Variants in RAI14 observed in about 807,000 individuals in gnomAD.
RAI14 encodes ankycorbin.
Under a neutral mutation model 115.4 loss-of-function variants are expected in RAI14, and 45 were observed. The observed-to-expected ratio is 0.39, with a 90% CI of 0.31 to 0.50. The LOEUF is 0.50. Among genes scored for constraint, RAI14 ranks in the 20% least tolerant of loss-of-function variants. The pLI, the probability that RAI14 is intolerant of heterozygous loss-of-function variation, is 0.85. For synonymous variants in RAI14, 371 were observed against 415.4 expected (o/e 0.89, Z 1.30); for missense variants, 939 against 1,131.2 (o/e 0.83, Z 2.44).
chr5:34,795,753 C>T (rs1486892364), intron 3 of RAI14, among the ~76,000 whole-genome samples, 186 bp from the exon 4 acceptor site: 1 of 150,714 alleles, frequency 6.6e-6, no homozygotes, highest in Non-Finnish European at 1.5e-5. Flanking sequence ...ATTATCAGAC[C>T]ATCCTGAGCT....
chr5:34,695,439 C>CT (rs889051337), intron 2 of RAI14, among the ~76,000 whole-genome samples: 1 of 152,212 alleles, frequency 6.6e-6, no homozygotes, highest in African/African-American at 2.4e-5. Context: ...CTGGCGTCCT[C>CT]TGTTACCCTC....
chr5:34,675,947 T>C (rs1743947528), intron 1 of RAI14, among the ~76,000 whole-genome samples: 1 of 152,198 alleles, frequency 6.6e-6, no homozygotes, highest in South Asian at 2.1e-4. Context: ...AACATTTCTG[T>C]TTTACTTTTT....
At chr5:34,769,007 A>T (rs1561336438) in intron 3 of RAI14, among the ~76,000 whole-genome samples, 1 of 150,640 alleles carries the variant, frequency 6.6e-6, no homozygotes, top group Non-Finnish European at 1.5e-5. Flanking sequence ...AAAAAGGATG[A>T]GGGGTGGTTC....
At position 34,791,425 on chromosome 5, in the gene RAI14, T is replaced by C; in HGVS notation, c.168-4514T>C. Among the ~76,000 whole-genome samples the C allele has an allele frequency of 6.6e-6, 1 of 152,086 alleles. No individual in the cohort carries two copies. Among genetic ancestry groups the C allele is most frequent in the Non-Finnish European group, 1.5e-5 (1 of 68,026 alleles). On this transcript the variant is annotated intron_variant, in intron 3 of 17. Coordinates refer to ENST00000265109, the MANE Select transcript of RAI14 (RefSeq NM_015577.3). The surrounding 1 kb of genome is among the most constrained non-coding windows in gnomAD (Gnocchi z 5.4). ...GCCATATAATTAAAAAGTTATATGG[T>C]ATATTCTCCCATTACATTTTAGCCA...
At chr5:34,768,485 A>G (rs554450474) in intron 3 of RAI14, among the ~76,000 whole-genome samples, 1 of 152,252 alleles carries the variant, frequency 6.6e-6, no homozygotes, top group Non-Finnish European at 1.5e-5. Flanking sequence ...ATCACCCTGA[A>G]GTAAATTTAC....
chr5:34,778,762 GA>G (rs34710502), intron 3 of RAI14, among the ~76,000 whole-genome samples: 37,056 of 143,092 alleles, frequency 0.26, 5,368 homozygotes, highest in Non-Finnish European at 0.32. Flanking sequence ...TTAAAGAAAG[GA>G]AAAAAAAAAA....
intron 2 of RAI14, among the ~76,000 whole-genome samples, chr5:34,693,723 C>T (rs1211499108): frequency 6.6e-6 from 1 of 152,122 alleles, no homozygotes; most frequent in South Asian, 2.1e-4. Flanking sequence ...TGCTGTCAAC[C>T]GCAGCACACG....
chr5:34,821,961 T>C, intron 14 of RAI14, 111 bp downstream of exon 14: 1 of 568,472 alleles, frequency 1.8e-6, no homozygotes. Flanking sequence ...TTTTTAAATA[T>C]TAGCTTTAAG....
At chr5:34,663,153 A>C (rs1480057297) in intron 1 of RAI14, among the ~76,000 whole-genome samples, 2 of 152,306 alleles carry the variant, frequency 1.3e-5, no homozygotes, top group East Asian at 3.9e-4. Flanking sequence ...TACAATGAAC[A>C]AAAAAATTAG....
intron 3 of RAI14, among the ~76,000 whole-genome samples, chr5:34,766,601 G>A (rs1204633052): frequency 1.3e-5 from 2 of 152,166 alleles, no homozygotes; most frequent in Non-Finnish European, 2.9e-5. Context: ...GCTTGCTTTT[G>A]ATTTTACAGG....
At chr5:34,830,619 T>A (rs1184079727) in intron 17 of RAI14, 69 bp from the exon 18 acceptor site, 1 of 1,606,282 alleles carries the variant, frequency 6.2e-7, no homozygotes, top group African/African-American at 1.3e-5. Context: ...AGCCATCTCA[T>A]TCCCCAGAGA....
At chr5:34,810,252 A>C (rs1422406715) in intron 7 of RAI14, among the ~76,000 whole-genome samples, 1 of 152,214 alleles carries the variant, frequency 6.6e-6, no homozygotes, top group Non-Finnish European at 1.5e-5. Context: ...CAGAAAAAAA[A>C]CAAAATAACA....
rs552735203 is a variant in RAI14, at chr5:34,719,726, G to A, written c.36+32771G>A. Reference sequence around the variant, plus strand: ...CTGGAGCCTGGGTTTTCATCTAAAAGCTGGCTTTTAGATGTCTGGTCAATG... The same window carrying A: ...CTGGAGCCTGGGTTTTCATCTAAAAACTGGCTTTTAGATGTCTGGTCAATG... On this transcript the variant is annotated intron_variant, in intron 2 of 17. Coordinates refer to ENST00000265109, the MANE Select transcript of RAI14 (RefSeq NM_015577.3). Among the ~76,000 whole-genome samples the A allele has an allele frequency of 4.6e-5, 7 of 152,240 alleles. No individual in the cohort carries two copies. In the East Asian group the frequency reaches 1.4e-3, roughly 29 times the overall value.
At chr5:34,763,168 C>T (rs994853746) in intron 3 of RAI14, among the ~76,000 whole-genome samples, 4 of 152,176 alleles carry the variant, frequency 2.6e-5, no homozygotes, top group Admixed American at 6.5e-5. Flanking sequence ...CACATTCTCC[C>T]TTCCTGTTTT....
intron 2 of RAI14, among the ~76,000 whole-genome samples, chr5:34,719,374 G>A (rs962487553): frequency 3.5e-4 from 54 of 152,136 alleles, no homozygotes; most frequent in Admixed American, 3.3e-3. Context: ...ATACAGCATC[G>A]CTTCTGCCAC....
rs1166352073 is a variant in RAI14 at position 34,771,886 on chromosome 5, A to G, written c.167+14288A>G. Among the ~76,000 whole-genome samples, 7 of 152,062 alleles carry G rather than the reference A, an allele frequency of 4.6e-5. No individual in the cohort carries two copies. In the East Asian group the frequency reaches 1.3e-3, roughly 29 times the overall value. On this transcript the variant is annotated intron_variant, in intron 3 of 17. Coordinates refer to ENST00000265109, the MANE Select transcript of RAI14 (RefSeq NM_015577.3). ...GCACAACCAGTAGGTTATATTACAT[A>G]GGGTGTCACTGTTTTTTGTTTTTTG...
At chr5:34,817,765 A>G (rs1756424709) in intron 12 of RAI14, among the ~76,000 whole-genome samples, 1 of 152,238 alleles carries the variant, frequency 6.6e-6, no homozygotes. Flanking sequence ...CATTCCATTT[A>G]TAGGAATTCT....
intron 4 of RAI14, among the ~76,000 whole-genome samples, chr5:34,799,530 AC>A (rs1753970816): frequency 4.6e-5 from 4 of 87,486 alleles, no homozygotes; most frequent in African/African-American, 1.2e-4. Context: ...ACACACACAC[AC>A]ACACACACAA....
intron 2 of RAI14, among the ~76,000 whole-genome samples, chr5:34,752,737 G>GTATATATATATA (rs1188674461): frequency 7.7e-4 from 78 of 101,418 alleles, no homozygotes; most frequent in Admixed American, 1.1e-3. Flanking sequence ...GTGTGTGTGT[G>GTATATATATATA]TGTGTGTGTG....
Sources: gnomAD v4.1 joint callset for allele counts (sites outside exome capture counted in the v4.1 genomes callset) on GRCh38, gnomAD v4.1.1 for gene constraint, Gnocchi (gnomAD v3.1) non-coding constraint, MANE v1.5 for transcripts, NCBI Gene and HGNC (gene_info 2026-07-23, HGNC 2026-07-21) for gene names.